ANTXR1: variants seen among roughly 807,000 people sequenced by gnomAD.
The protein encoded by ANTXR1 is anthrax toxin receptor 1.
ANTXR1 carries 19 observed loss-of-function variants against 78.1 expected under a neutral mutation model. The ratio of observed to expected loss-of-function variants is 0.24; its 90% CI spans 0.17 to 0.36. The LOEUF (loss-of-function observed/expected upper bound fraction) is 0.36. Among genes scored for constraint, ANTXR1 ranks in the 10% least tolerant of loss-of-function variants. The pLI is 1.00. For missense variants in ANTXR1, 518 were observed against 718.6 expected, an observed-to-expected ratio of 0.72 and a Z score of 3.19; for synonymous variants, 273 against 260.5, an observed-to-expected ratio of 1.05 and a Z score of -0.46.
At chr2:69,049,753 T>C (rs1486564652) in intron 3 of ANTXR1, among the ~76,000 whole-genome samples, 1 of 152,228 alleles carries the variant, frequency 6.6e-6, no homozygotes. Context: ...TATATCTTCC[T>C]GTGTATCTTC....
At chr2:69,096,085 C>T (rs896288900) in intron 9 of ANTXR1, among the ~76,000 whole-genome samples, 3 of 151,804 alleles carry the variant, frequency 2.0e-5, no homozygotes, top group Non-Finnish European at 4.4e-5. Flanking sequence ...GGTGAAACCC[C>T]GTCTCTACTA....
At chr2:69,156,455 T>TA (rs1168449606) in intron 13 of ANTXR1, among the ~76,000 whole-genome samples, 3 of 152,220 alleles carry the variant, frequency 2.0e-5, no homozygotes, top group Admixed American at 2.0e-4. Flanking sequence ...CTTCATCCTT[T>TA]AAAAAATGTG....
At chr2:69,164,852 G>A (rs1274485129) in intron 13 of ANTXR1, among the ~76,000 whole-genome samples, 2 of 152,170 alleles carry the variant, frequency 1.3e-5, no homozygotes, top group African/African-American at 2.4e-5. Flanking sequence ...AATGGAGCGG[G>A]GACACCAAAA....
At chr2:69,212,766 C>T (rs1675075276) in intron 17 of ANTXR1, among the ~76,000 whole-genome samples, 1 of 152,014 alleles carries the variant, frequency 6.6e-6, no homozygotes, top group African/African-American at 2.4e-5. Flanking sequence ...ATCCTCCTAC[C>T]TCTGCCTCCC....
At chr2:69,187,263 A>G (rs537144311) in intron 16 of ANTXR1, among the ~76,000 whole-genome samples, 1 of 152,146 alleles carries the variant, frequency 6.6e-6, no homozygotes, top group South Asian at 2.1e-4. Context: ...CAGACTCATG[A>G]TCGGGAAATT....
At chr2:69,159,539 G>GA (rs5831961) in intron 13 of ANTXR1, among the ~76,000 whole-genome samples, 24,036 of 149,230 alleles carry the variant, frequency 0.16, 2,164 homozygotes, top group African/African-American at 0.26. Flanking sequence ...CAATTAAAAA[G>GA]AAAAAAAAAA....
intron 12 of ANTXR1, among the ~76,000 whole-genome samples, chr2:69,147,388 T>C (rs1673258753): frequency 6.6e-6 from 1 of 152,198 alleles, no homozygotes; most frequent in Non-Finnish European, 1.5e-5. Flanking sequence ...TTAATCCCCC[T>C]TCACAAGGTA....
chr2:69,017,774 T>C (rs1216450165), intron 1 of ANTXR1, among the ~76,000 whole-genome samples: 1 of 152,136 alleles, frequency 6.6e-6, no homozygotes, highest in Non-Finnish European at 1.5e-5. Flanking sequence ...AAAGTTAGAT[T>C]TGGAAGGCTC....
chr2:69,231,613 G>T (rs1181936540), intron 17 of ANTXR1, among the ~76,000 whole-genome samples: 3 of 152,184 alleles, frequency 2.0e-5, no homozygotes, highest in Admixed American at 6.5e-5. Context: ...ATTGGGCTCA[G>T]TTGGATAGTT....
chr2:69,188,124 TA>T (rs1323157471), intron 16 of ANTXR1, among the ~76,000 whole-genome samples: 2 of 151,760 alleles, frequency 1.3e-5, no homozygotes, highest in Non-Finnish European at 2.9e-5. Flanking sequence ...TTGTTTGATT[TA>T]AAAATAGGGT....
At chr2:69,190,226 A>G (rs1371372248) in intron 16 of ANTXR1, among the ~76,000 whole-genome samples, 1 of 152,226 alleles carries the variant, frequency 6.6e-6, no homozygotes, top group Non-Finnish European at 1.5e-5. Context: ...TCCCCAAAGA[A>G]CCAAGCAAAA....
chr2:69,244,613 T>C (rs1463867205), intron 17 of ANTXR1, among the ~76,000 whole-genome samples: 1 of 152,164 alleles, frequency 6.6e-6, no homozygotes, highest in Non-Finnish European at 1.5e-5. Flanking sequence ...CCATGACAAC[T>C]CCAATCACAG....
chr2:69,126,277 A>G (rs1012347638), intron 12 of ANTXR1, among the ~76,000 whole-genome samples: 6 of 152,230 alleles, frequency 3.9e-5, no homozygotes, highest in African/African-American at 1.4e-4. Flanking sequence ...AGATGATGGG[A>G]AAGTTTTACT....
At chr2:69,019,279 T>A (rs538546377) in intron 1 of ANTXR1, among the ~76,000 whole-genome samples, 1 of 152,236 alleles carries the variant, frequency 6.6e-6, no homozygotes, top group African/African-American at 2.4e-5. Flanking sequence ...CGTATAAGTC[T>A]TGTATATTTA....
intron 17 of ANTXR1, among the ~76,000 whole-genome samples, chr2:69,225,651 C>CT (rs1675428036): frequency 6.6e-6 from 1 of 151,962 alleles, no homozygotes; most frequent in South Asian, 2.1e-4. Flanking sequence ...AGGGGAGAAG[C>CT]AAGGGAGATG....
intron 17 of ANTXR1, among the ~76,000 whole-genome samples, chr2:69,218,123 G>C (rs756544433): frequency 6.6e-6 from 1 of 152,162 alleles, no homozygotes; most frequent in Non-Finnish European, 1.5e-5. Context: ...AAATGAACAA[G>C]GTCAACCAAG....
At chr2:69,083,115 T>A (rs1030014372) in intron 8 of ANTXR1, among the ~76,000 whole-genome samples, 4 of 152,286 alleles carry the variant, frequency 2.6e-5, no homozygotes, top group Non-Finnish European at 5.9e-5. Flanking sequence ...AATCCCCTAA[T>A]CTGGCCCAGG....
At chr2:69,044,594 C>A (rs912788508) in intron 2 of ANTXR1, 148 bp from the exon 3 acceptor site, 11 of 782,492 alleles carry the variant, frequency 1.4e-5, no homozygotes, top group Non-Finnish European at 2.5e-5. Context: ...AATCAACACC[C>A]GCAGCACCAG....
chr2:69,239,385 A>G (rs1300435427), intron 17 of ANTXR1, among the ~76,000 whole-genome samples: 1 of 152,212 alleles, frequency 6.6e-6, no homozygotes, highest in East Asian at 1.9e-4. Context: ...CCTGGCCAAC[A>G]TAGCGAAACC....
Sources: allele counts gnomAD v4.1 joint callset (sites outside exome capture counted in the v4.1 genomes callset), GRCh38; gene constraint gnomAD v4.1.1; transcripts MANE v1.5; gene names NCBI Gene and HGNC (gene_info 2026-07-23, HGNC 2026-07-21).